ATG7: variants seen among roughly 807,000 people sequenced by gnomAD.
ATG7 encodes autophagy related 7.
Under a neutral mutation model 82.4 loss-of-function variants are expected in ATG7, and 70 were observed. The observed-to-expected ratio is 0.85, with a 90% confidence interval of 0.70 to 1.04. ATG7 has a LOEUF of 1.04. Among genes scored for constraint, ATG7 ranks in the 50% least tolerant of loss-of-function variants. The pLI is 0.00. For synonymous variants in ATG7, 287 were observed against 313.0 expected (o/e 0.92, Z 0.88); for missense variants, 792 against 864.3 (o/e 0.92, Z 1.05).
chr3:11,529,008 G>C (rs559498335), intron 20 of ATG7, among the ~76,000 whole-genome samples: 1 of 152,172 alleles, frequency 6.6e-6, no homozygotes, highest in South Asian at 2.1e-4. Context: ...AACTGCAAAG[G>C]TGGGCCTGGA....
Position 11,524,723 on chromosome 3 carries a change from G to T in ATG7, c.2080-30088G>T, listed in dbSNP as rs545585555. The stretch of plus-strand genomic sequence containing the variant: ...GACCAGTTGAGCCCACAAGTTGGAG[G>T]CTGCAGTGAATTATGATCATGCCAC... On this transcript the variant is annotated intron_variant, in intron 20 of 20. Coordinates refer to ENST00000693202, the MANE Select transcript of ATG7 (RefSeq NM_001349232.2). 3.9e-5 allele frequency among the ~76,000 whole-genome samples: 6 copies of T among 152,272 alleles called. No homozygotes were observed. In the South Asian group the frequency reaches 6.2e-4, roughly 16 times the overall value.
downstream of ATG7, chr3:11,559,567 G>T: frequency 7.2e-7 from 1 of 1,381,958 alleles, no homozygotes; most frequent in South Asian, 1.6e-5. Context: ...TCCTGACCCA[G>T]TCTGCCACCT....
intron 20 of ATG7, among the ~76,000 whole-genome samples, chr3:11,467,142 A>G (rs1559684403): frequency 2.7e-5 from 1 of 37,284 alleles, no homozygotes. Flanking sequence ...AACAAAAACA[A>G]ACAAAAAAAA....
chr3:11,364,566 T>C, intron 17 of ATG7, 93 bp from the exon 18 acceptor site: 1 of 1,404,470 alleles, frequency 7.1e-7, no homozygotes, highest in East Asian at 2.3e-5. Flanking sequence ...ATTTTAGTTA[T>C]CCTTATGAAT....
intron 20 of ATG7, among the ~76,000 whole-genome samples, chr3:11,513,431 CA>C (rs2092151984): frequency 6.6e-6 from 1 of 152,364 alleles, no homozygotes; most frequent in Non-Finnish European, 1.5e-5. Flanking sequence ...AGCGCAGCAC[CA>C]GTGGGCCAGC....
At chr3:11,507,679 C>T (rs1056895749) in intron 20 of ATG7, among the ~76,000 whole-genome samples, 2 of 151,898 alleles carry the variant, frequency 1.3e-5, no homozygotes, top group Non-Finnish European at 2.9e-5. Context: ...ATTTAAAGAC[C>T]AGTGAATTCT....
intron 20 of ATG7, among the ~76,000 whole-genome samples, chr3:11,465,118 G>C (rs897014837): frequency 2.4e-4 from 34 of 144,410 alleles, no homozygotes; most frequent in Admixed American, 2.2e-3. Context: ...TGTGTGTAAG[G>C]ACACCTCCAG....
the ATG7 span, among the ~76,000 whole-genome samples, chr3:11,570,306 C>G: frequency 6.6e-6 from 1 of 152,240 alleles, no homozygotes; most frequent in East Asian, 1.9e-4. Flanking sequence ...CCCACCAGCA[C>G]CATTTCCACC....
At chr3:11,491,053 A>G (rs1300389262) in intron 20 of ATG7, among the ~76,000 whole-genome samples, 2 of 152,202 alleles carry the variant, frequency 1.3e-5, no homozygotes, top group Non-Finnish European at 2.9e-5. Flanking sequence ...CCTGAATAAT[A>G]TCCTGCAGAG....
intron 20 of ATG7, among the ~76,000 whole-genome samples, chr3:11,451,860 C>T (rs1047603332): frequency 6.7e-6 from 1 of 148,762 alleles, no homozygotes; most frequent in African/African-American, 2.5e-5. Flanking sequence ...TATATATATA[C>T]GCCTTTACAT....
the ATG7 span, among the ~76,000 whole-genome samples, chr3:11,562,813 A>AC: frequency 6.6e-6 from 1 of 152,224 alleles, no homozygotes; most frequent in Non-Finnish European, 1.5e-5. Flanking sequence ...AGCTTGGGGT[A>AC]CCCCGTGGCC....
chr3:11,462,888 TA>T (rs2086472394), intron 20 of ATG7, among the ~76,000 whole-genome samples: 1 of 141,902 alleles, frequency 7.0e-6, no homozygotes. Context: ...TTTATTTATT[TA>T]TTTATTTATT....
intron 19 of ATG7, among the ~76,000 whole-genome samples, chr3:11,417,954 C>T (rs1258746429): frequency 8.0e-5 from 12 of 149,118 alleles, no homozygotes; most frequent in African/African-American, 2.7e-4. Context: ...ACTACAGGCA[C>T]CCACCACCAT....
intron 19 of ATG7, among the ~76,000 whole-genome samples, chr3:11,387,366 T>C (rs962129701): frequency 2.6e-5 from 4 of 152,198 alleles, no homozygotes; most frequent in African/African-American, 9.7e-5. Context: ...AATTAGTAGT[T>C]AGAACTTGTG....
At chr3:11,320,684 C>T (rs948969059) in intron 9 of ATG7, among the ~76,000 whole-genome samples, 8 of 152,354 alleles carry the variant, frequency 5.3e-5, no homozygotes, top group African/African-American at 1.7e-4. Context: ...CTTTGATTTC[C>T]CACCATTGTG....
intron 9 of ATG7, among the ~76,000 whole-genome samples, chr3:11,326,680 C>T (rs144099612): frequency 1.8e-3 from 273 of 152,286 alleles, no homozygotes; most frequent in African/African-American, 6.0e-3. Flanking sequence ...GTGTGGCAGA[C>T]GCTATCTGTC....
intron 20 of ATG7, among the ~76,000 whole-genome samples, chr3:11,453,004 C>T (rs1175556386): frequency 1.3e-5 from 2 of 152,178 alleles, no homozygotes; most frequent in Non-Finnish European, 1.5e-5. Flanking sequence ...CTGACCTGAG[C>T]AATCTGTTAA....
intron 18 of ATG7, among the ~76,000 whole-genome samples, chr3:11,372,871 G>A (rs1247793151): frequency 2.8e-5 from 4 of 145,064 alleles, no homozygotes; most frequent in Non-Finnish European, 4.5e-5. Flanking sequence ...TGTGAAATCG[G>A]CCATGTTTTC....
intron 20 of ATG7, among the ~76,000 whole-genome samples, chr3:11,446,217 G>T (rs781476860): frequency 2.7e-5 from 4 of 150,816 alleles, no homozygotes; most frequent in Non-Finnish European, 5.9e-5. Flanking sequence ...TTAAAAAAAT[G>T]TTTAGACCAC....
Sources: gnomAD v4.1 joint callset for allele counts (sites outside exome capture counted in the v4.1 genomes callset) on GRCh38, gnomAD v4.1.1 for gene constraint, MANE v1.5 for transcripts, NCBI Gene and HGNC (gene_info 2026-07-23, HGNC 2026-07-21) for gene names.